MAK: variants seen among roughly 807,000 people sequenced by gnomAD.
The protein encoded by MAK is male germ cell associated kinase.
MAK carries 65 observed loss-of-function variants against 82.6 expected under a neutral mutation model. The ratio of observed to expected loss-of-function variants is 0.79; its 90% CI spans 0.64 to 0.97. The LOEUF (loss-of-function observed/expected upper bound fraction) is 0.97. MAK is among the 50% of genes least tolerant of loss of function. MAK has a pLI of 0.00. For missense variants in MAK, 703 were observed against 780.2 expected, an observed-to-expected ratio of 0.90 and a Z score of 1.18; for synonymous variants, 250 against 274.2, an observed-to-expected ratio of 0.91 and a Z score of 0.87.
At chr6:10,808,593 G>A (rs1344361391) in intron 6 of MAK, among the ~76,000 whole-genome samples, 1 of 151,984 alleles carries the variant, frequency 6.6e-6, no homozygotes, top group East Asian at 1.9e-4. Context: ...AATATTTGTT[G>A]AATGAATGAA....
chr6:10,804,792 T>A (rs1327933931), intron 6 of MAK, among the ~76,000 whole-genome samples: 1 of 152,238 alleles, frequency 6.6e-6, no homozygotes, highest in Admixed American at 6.5e-5. Context: ...ATGTTTGGCA[T>A]ACTGTCTTTT....
rs1249362110 is a variant in MAK at position 10,773,125 on chromosome 6, T to G, written c.1598-17A>C. ...TGCTTTCTTCTAAAGAGAAGACAGA[T>G]GGAAAGAAAGAATAATAGTAAGGAG... On this transcript the variant is annotated splice_polypyrimidine_tract_variant and intron_variant, in intron 12 of 14. Coordinates refer to ENST00000354489, the MANE Select transcript of MAK (RefSeq NM_001242957.3). The G allele has an allele frequency of 7.4e-7, 1 of 1,351,746 alleles. No homozygotes were observed. The highest frequency in any genetic ancestry group is 2.5e-5 in the East Asian group (1 of 39,698). The allele number at this position is 1,351,746 out of a possible 1,614,324, so 83.7% of individuals were successfully genotyped here. A position where few individuals can be genotyped will look rare whatever the true frequency, so the allele number is the denominator to read the frequency against.
intron 4 of MAK, among the ~76,000 whole-genome samples, chr6:10,816,523 A>G (rs1416853307): frequency 6.6e-6 from 1 of 152,154 alleles, no homozygotes; most frequent in Non-Finnish European, 1.5e-5. Context: ...GAGGCTGAAA[A>G]TTAAGATTAC....
chr6:10,767,544 G>A (rs897536312), intron 14 of MAK, among the ~76,000 whole-genome samples: 1 of 152,142 alleles, frequency 6.6e-6, no homozygotes, highest in Non-Finnish European at 1.5e-5. Context: ...GGTGGCTCAT[G>A]CCTGTAATCC....
intron 4 of MAK, among the ~76,000 whole-genome samples, chr6:10,815,074 G>T (rs574696724): frequency 4.8e-4 from 73 of 150,986 alleles, no homozygotes; most frequent in African/African-American, 1.6e-3. Flanking sequence ...ATATATGAGA[G>T]CCACTTGTGT....
chr6:10,831,369 T>G (rs910490021), intron 1 of MAK, among the ~76,000 whole-genome samples: 3 of 152,216 alleles, frequency 2.0e-5, no homozygotes, highest in Non-Finnish European at 2.9e-5. Flanking sequence ...CATATTCTAT[T>G]TAAATAACAT....
At chr6:10,775,872 T>A (rs916044837) in intron 11 of MAK, among the ~76,000 whole-genome samples, 1 of 152,154 alleles carries the variant, frequency 6.6e-6, no homozygotes, top group Admixed American at 6.5e-5. Context: ...CACTGCAGCC[T>A]CCACCTCCCA....
At position 10,763,850 on chromosome 6, in the gene MAK, CA is replaced by C. The variant is rs60516370; in HGVS notation, c.*601del. The C allele has an allele frequency of 1.6e-3, 223 of 137,578 alleles. No individual in the cohort carries two copies. Among genetic ancestry groups the C allele is most frequent in the African/African-American group, 4.2e-3 (151 of 35,830 alleles). The allele number at this position is 137,578 out of a possible 1,614,324, so 8.5% of individuals were successfully genotyped here. Reference sequence around the variant, plus strand: ...TGGACACAAGAGTGAAACATCGCCTCAAAAAAAAAAAAAAAGATATCCTGCT... The same window carrying C: ...TGGACACAAGAGTGAAACATCGCCTCAAAAAAAAAAAAAAGATATCCTGCT... On this transcript the variant is annotated 3_prime_UTR_variant, in exon 15 of 15. Coordinates refer to ENST00000354489, the MANE Select transcript of MAK (RefSeq NM_001242957.3).
chr6:10,805,070 C>CGGGGGGGGGGGGG (rs60993333), intron 6 of MAK, among the ~76,000 whole-genome samples: 1 of 100,220 alleles, frequency 1.0e-5, no homozygotes, highest in African/African-American at 4.3e-5. Context: ...ATGTGTGTGT[C>CGGGGGGGGGGGGG]GGGGGGGGGG....
intron 1 of MAK, among the ~76,000 whole-genome samples, chr6:10,835,540 C>T (rs925922767): frequency 6.6e-6 from 1 of 152,208 alleles, no homozygotes; most frequent in East Asian, 1.9e-4. Context: ...GGTTTATAGG[C>T]GTGAGCCACT....
intron 5 of MAK, among the ~76,000 whole-genome samples, chr6:10,812,021 G>A (rs767247435): frequency 9.9e-5 from 15 of 151,950 alleles, no homozygotes; most frequent in African/African-American, 3.1e-4. Context: ...GAAAAATGGC[G>A]AAACCTCATC....
intron 7 of MAK, among the ~76,000 whole-genome samples, chr6:10,803,443 G>A (rs1197339782): frequency 6.6e-6 from 1 of 151,816 alleles, no homozygotes; most frequent in Non-Finnish European, 1.5e-5. Flanking sequence ...TACTTGGGAG[G>A]CTGAGGCATG....
chr6:10,798,546 C>T (rs762713715), intron 8 of MAK, among the ~76,000 whole-genome samples: 2 of 151,896 alleles, frequency 1.3e-5, no homozygotes, highest in Non-Finnish European at 2.9e-5. Flanking sequence ...GAATGAGAAA[C>T]GTATAGAGTT....
chr6:10,833,489 T>C (rs1778955793), intron 1 of MAK, among the ~76,000 whole-genome samples: 1 of 151,972 alleles, frequency 6.6e-6, no homozygotes, highest in Admixed American at 6.6e-5. Context: ...CCTGTAGCCC[T>C]AGTTACTAAG....
chr6:10,779,916 A>G (rs1434145221), intron 11 of MAK, among the ~76,000 whole-genome samples: 3 of 152,062 alleles, frequency 2.0e-5, no homozygotes, highest in Non-Finnish European at 4.4e-5. Context: ...CGAATTCCTG[A>G]CCTCAGGTGA....
chr6:10,814,958 A>T (rs1777345623), intron 4 of MAK, among the ~76,000 whole-genome samples: 1 of 150,972 alleles, frequency 6.6e-6, no homozygotes, highest in Non-Finnish European at 1.5e-5. Flanking sequence ...AATCGCTTGA[A>T]CCCGGAGGGT....
chr6:10,836,192 T>G (rs566156586), intron 1 of MAK, among the ~76,000 whole-genome samples: 1 of 152,282 alleles, frequency 6.6e-6, no homozygotes, highest in African/African-American at 2.4e-5. Context: ...GGTGGAGTGT[T>G]GAGGATTACG....
intron 5 of MAK, among the ~76,000 whole-genome samples, chr6:10,813,084 T>TTATA (rs1777093266): frequency 6.8e-5 from 3 of 44,012 alleles, no homozygotes; most frequent in African/African-American, 2.4e-4. Flanking sequence ...TGTTATGTAT[T>TTATA]TTTATATATA....
intron 10 of MAK, chr6:10,784,848 G>C (rs565076745): frequency 9.8e-5 from 56 of 571,388 alleles, no homozygotes; most frequent in Admixed American, 4.8e-4. Context: ...TATCTGTCCT[G>C]CAACGGCTGC....
Sources: gnomAD v4.1 joint callset for allele counts (sites outside exome capture counted in the v4.1 genomes callset) on GRCh38, gnomAD v4.1.1 for gene constraint, MANE v1.5 for transcripts, NCBI Gene and HGNC (gene_info 2026-07-23, HGNC 2026-07-21) for gene names.